Variants in ASIC2 observed in about 807,000 individuals in gnomAD.
ASIC2 encodes acid-sensing ion channel 2.
In ASIC2, 25 loss-of-function variants were observed where a neutral mutation model predicts 57.3. The ratio of observed to expected loss-of-function variants is 0.44; its 90% CI spans 0.32 to 0.61. ASIC2 has a LOEUF of 0.61. ASIC2 is among the 20% of genes least tolerant of loss of function. ASIC2 has a pLI of 0.06. For synonymous variants in ASIC2, 319 were observed against 307.5 expected, an observed-to-expected ratio of 1.04 and a Z score of -0.39; for missense variants, 641 against 738.1, an observed-to-expected ratio of 0.87 and a Z score of 1.52.
intron 1 of ASIC2, among the ~76,000 whole-genome samples, chr17:33,681,420 C>T (rs1907997209): frequency 6.6e-6 from 1 of 152,118 alleles, no homozygotes. Flanking sequence ...CAGGCATTTC[C>T]AAATGTCCCC....
intron 1 of ASIC2, among the ~76,000 whole-genome samples, chr17:33,355,297 T>C (rs1908332809): frequency 6.6e-6 from 1 of 152,090 alleles, no homozygotes; most frequent in African/African-American, 2.4e-5. Context: ...ATTGTGCCAC[T>C]GCACTCCAGC....
chr17:33,709,325 A>G (rs779524561), intron 1 of ASIC2, among the ~76,000 whole-genome samples: 2 of 152,230 alleles, frequency 1.3e-5, no homozygotes, highest in East Asian at 1.9e-4. Context: ...GAAACTGTGA[A>G]TGTTACCTTA....
intron 1 of ASIC2, among the ~76,000 whole-genome samples, chr17:33,615,261 T>TAAA (rs886371873): frequency 6.6e-6 from 1 of 152,216 alleles, no homozygotes; most frequent in African/African-American, 2.4e-5. Flanking sequence ...AATTTTTCCA[T>TAAA]AAAAATTGTG....
intron 1 of ASIC2, among the ~76,000 whole-genome samples, chr17:33,925,246 T>C (rs548149507): frequency 9.8e-5 from 15 of 152,346 alleles, no homozygotes; most frequent in African/African-American, 3.4e-4. Context: ...CATATCTCCA[T>C]ACCAACTTGC....
At chr17:33,162,182 AGCCTCCACCCCAT>A (rs1334486647) in intron 1 of ASIC2, among the ~76,000 whole-genome samples, 3 of 152,044 alleles carry the variant, frequency 2.0e-5, no homozygotes, top group Non-Finnish European at 4.4e-5. Context: ...GGTTAATATG[AGCCTCCACCCCAT>A]GCCTGCCCCT....
intron 1 of ASIC2, chr17:34,037,528 G>A (rs1907935915): frequency 7.8e-7 from 1 of 1,280,942 alleles, no homozygotes; most frequent in Non-Finnish European, 1.1e-6. Context: ...GGTTTCATCA[G>A]ATCCATTCGG....
intron 1 of ASIC2, among the ~76,000 whole-genome samples, chr17:33,892,760 T>G (rs1597919372): frequency 6.6e-6 from 1 of 152,348 alleles, no homozygotes; most frequent in African/African-American, 2.4e-5. Context: ...ATGCAGGCAG[T>G]GCTCACACTG....
At chr17:33,717,643 G>A (rs1303144080) in intron 1 of ASIC2, among the ~76,000 whole-genome samples, 1 of 152,092 alleles carries the variant, frequency 6.6e-6, no homozygotes, top group Admixed American at 6.6e-5. Context: ...CTTTATGGAC[G>A]CATGAGATGT....
At chr17:33,232,443 T>C (rs1176078320) in intron 1 of ASIC2, among the ~76,000 whole-genome samples, 1 of 149,802 alleles carries the variant, frequency 6.7e-6, no homozygotes, top group Non-Finnish European at 1.5e-5. Flanking sequence ...TGGTATGGTA[T>C]GGAATGGTAT....
In ASIC2 at chr17:33,577,131, A is replaced by G. The variant is rs149155761; in HGVS notation, c.556-465064T>C. Among the ~76,000 whole-genome samples the G allele has an allele frequency of 6.2e-3, 936 of 152,150 alleles. 3 individuals carry two copies. The highest frequency in any genetic ancestry group is 9.2e-3 in the Admixed American group (141 of 15,288). ...CCAACTGCTAGGGCTTGAGAAGACA[A>G]TGTTGAAGACAGTTAGCCCTCTCTC... On this transcript the variant is annotated intron_variant, in intron 1 of 9. Coordinates refer to the ASIC2 transcript ENST00000359872.
chr17:33,760,128 T>G (rs1003899194), intron 1 of ASIC2, among the ~76,000 whole-genome samples: 3 of 151,796 alleles, frequency 2.0e-5, no homozygotes, highest in African/African-American at 7.3e-5. Context: ...GGAATTAATT[T>G]TGAAAAAATA....
intron 1 of ASIC2, among the ~76,000 whole-genome samples, chr17:33,546,934 G>A (rs1424836664): frequency 6.6e-6 from 1 of 152,114 alleles, no homozygotes; most frequent in Non-Finnish European, 1.5e-5. Context: ...CTTTTAATTT[G>A]CAAGTACCTC....
intron 3 of ASIC2, among the ~76,000 whole-genome samples, chr17:33,083,227 GAC>G (rs1461747472): frequency 6.6e-6 from 1 of 152,188 alleles, no homozygotes; most frequent in Non-Finnish European, 1.5e-5. Context: ...GAATCCAAAA[GAC>G]ACAATCCTTG....
At chr17:33,898,733 T>A (rs1915165588) in intron 1 of ASIC2, among the ~76,000 whole-genome samples, 1 of 152,218 alleles carries the variant, frequency 6.6e-6, no homozygotes, top group Non-Finnish European at 1.5e-5. Context: ...TGTCTTCCAA[T>A]ATGTGACCAC....
chr17:33,578,919 G>C (rs1916746275), intron 1 of ASIC2, among the ~76,000 whole-genome samples: 1 of 152,174 alleles, frequency 6.6e-6, no homozygotes, highest in African/African-American at 2.4e-5. Flanking sequence ...AAGATGGATG[G>C]GGTCAGAATT....
intron 1 of ASIC2, among the ~76,000 whole-genome samples, chr17:34,115,093 T>A (rs142551193): frequency 3.5e-4 from 54 of 152,336 alleles, no homozygotes; most frequent in South Asian, 1.7e-3. Flanking sequence ...TCCATTTTGC[T>A]TTTGTTTCAG....
At chr17:33,360,397 C>A (rs140032657) in intron 1 of ASIC2, among the ~76,000 whole-genome samples, 1 of 152,168 alleles carries the variant, frequency 6.6e-6, no homozygotes, top group Non-Finnish European at 1.5e-5. Context: ...GCTTACCTTG[C>A]CTACAGCAGG....
intron 1 of ASIC2, among the ~76,000 whole-genome samples, chr17:33,789,989 G>A (rs1911720512): frequency 6.6e-6 from 1 of 152,212 alleles, no homozygotes; most frequent in Non-Finnish European, 1.5e-5. Flanking sequence ...GAAATGTACT[G>A]AGCCAGAAGC....
At chr17:33,568,900 A>C (rs1229262228) in intron 1 of ASIC2, among the ~76,000 whole-genome samples, 6 of 152,206 alleles carry the variant, frequency 3.9e-5, no homozygotes, top group African/African-American at 1.4e-4. Context: ...GCCTGTAGGC[A>C]TAAAATAGTC....
Sources: allele counts gnomAD v4.1 joint callset (sites outside exome capture counted in the v4.1 genomes callset), GRCh38; gene constraint gnomAD v4.1.1; transcripts MANE v1.5; gene names NCBI Gene and HGNC (gene_info 2026-07-23, HGNC 2026-07-21).